The following CEP112 variants were observed in gnomAD, a reference collection of about 807,000 sequenced individuals.
The protein encoded by CEP112 is centrosomal protein of 112 kDa.
A neutral mutation model predicts 153.0 loss-of-function variants in CEP112; 127 were observed. The ratio of observed to expected loss-of-function variants is 0.83; its 90% CI spans 0.72 to 0.96. The LOEUF (loss-of-function observed/expected upper bound fraction) is 0.96, where lower values mean the gene tolerates loss of function less well. CEP112 is among the 40% of genes least tolerant of loss of function. The pLI is 0.00. For synonymous variants in CEP112, 358 were observed against 374.4 expected (o/e 0.96, Z 0.51); for missense variants, 1,089 against 1,101.2 (o/e 0.99, Z 0.16).
intron 17 of CEP112, among the ~76,000 whole-genome samples, chr17:66,004,612 C>G (rs1023391956): frequency 1.3e-5 from 2 of 151,994 alleles, no homozygotes; most frequent in Non-Finnish European, 2.9e-5. Flanking sequence ...CAAATAAGTC[C>G]CTCTGTAGAT....
chr17:66,105,176 C>T (rs777532064), intron 6 of CEP112, among the ~76,000 whole-genome samples: 7 of 152,084 alleles, frequency 4.6e-5, no homozygotes, highest in Admixed American at 1.3e-4. Flanking sequence ...TATTAGTTTT[C>T]TCTTTGCTTG....
chr17:65,770,312 T>C (rs1232037611), intron 21 of CEP112, among the ~76,000 whole-genome samples: 2 of 151,800 alleles, frequency 1.3e-5, no homozygotes, highest in Admixed American at 6.6e-5. Flanking sequence ...ATCTGAAAAG[T>C]CAGAGAACAA....
At chr17:65,921,436 A>G (rs1038937325) in intron 19 of CEP112, among the ~76,000 whole-genome samples, 4 of 138,712 alleles carry the variant, frequency 2.9e-5, no homozygotes, top group African/African-American at 1.3e-4. Context: ...TATTCTGCTG[A>G]AAAAAAAAAG....
intron 18 of CEP112, among the ~76,000 whole-genome samples, chr17:65,940,676 T>C (rs975208): frequency 0.41 from 62,918 of 151,892 alleles, 14,408 homozygotes; most frequent in East Asian, 0.87. Context: ...ACAGGTAGAA[T>C]CTAAAAAAGT....
chr17:65,950,699 C>CTATTATTATTATTATTATTAGTAG (rs57598697), intron 18 of CEP112, among the ~76,000 whole-genome samples: 158 of 147,180 alleles, frequency 1.1e-3, no homozygotes, highest in East Asian at 4.3e-3. Flanking sequence ...GGATACATTA[C>CTATTATTATTATTATTATTAGTAG]TAGTAGTAGT....
At chr17:65,807,560 G>A (rs980225724) in intron 21 of CEP112, among the ~76,000 whole-genome samples, 1 of 152,164 alleles carries the variant, frequency 6.6e-6, no homozygotes, top group Non-Finnish European at 1.5e-5. Flanking sequence ...GGGAAAAATG[G>A]TTTTATGGGC....
chr17:65,846,302 C>A (rs1467270741), intron 21 of CEP112, among the ~76,000 whole-genome samples: 2 of 152,042 alleles, frequency 1.3e-5, no homozygotes, highest in African/African-American at 4.8e-5. Context: ...AGTAAAAACT[C>A]AAATTTTAAA....
At chr17:65,698,285 T>C (rs1451398792) in intron 23 of CEP112, among the ~76,000 whole-genome samples, 2 of 152,214 alleles carry the variant, frequency 1.3e-5, no homozygotes, top group Non-Finnish European at 2.9e-5. Context: ...ATTAGGCTAC[T>C]GATTCAACAT....
chr17:65,948,172 T>C (rs1053365212), intron 18 of CEP112, among the ~76,000 whole-genome samples: 4 of 152,192 alleles, frequency 2.6e-5, no homozygotes, highest in African/African-American at 7.2e-5. Context: ...TCAATTGTGC[T>C]ACAAACCAGG....
chr17:66,150,130 G>A (rs1265465010), intron 4 of CEP112, among the ~76,000 whole-genome samples: 3 of 141,924 alleles, frequency 2.1e-5, no homozygotes, highest in Admixed American at 1.5e-4. Context: ...TCGATCTCTC[G>A]ACCTCATGAT....
chr17:65,669,869 C>T (rs1372149896), intron 24 of CEP112, among the ~76,000 whole-genome samples: 1 of 149,588 alleles, frequency 6.7e-6, no homozygotes, highest in African/African-American at 2.5e-5. Context: ...CGCCACTGCA[C>T]TCCAGCCTGG....
At chr17:65,739,975 T>C (rs928780566) in intron 23 of CEP112, among the ~76,000 whole-genome samples, 9 of 152,158 alleles carry the variant, frequency 5.9e-5, no homozygotes, top group Admixed American at 5.2e-4. Context: ...AGTGCTATTA[T>C]AGTTTAAATA....
intron 6 of CEP112, among the ~76,000 whole-genome samples, chr17:66,101,352 G>A (rs1010547207): frequency 6.6e-6 from 1 of 151,912 alleles, no homozygotes; most frequent in African/African-American, 2.4e-5. Flanking sequence ...TTTGAAACAT[G>A]CAAGAATTCA....
intron 17 of CEP112, among the ~76,000 whole-genome samples, chr17:65,970,759 G>A (rs1002211780): frequency 8.5e-4 from 42 of 49,392 alleles, no homozygotes; most frequent in African/African-American, 2.4e-3. Context: ...CACATTACAG[G>A]TATGTTACAT....
intron 24 of CEP112, chr17:65,661,674 CT>C (rs2046391619): frequency 6.6e-6 from 1 of 152,112 alleles, no homozygotes; most frequent in Non-Finnish European, 1.5e-5. Context: ...AATAATTATT[CT>C]TTTGAAGTTT....
chr17:65,988,778 A>G (rs1247425284), intron 17 of CEP112, among the ~76,000 whole-genome samples: 1 of 152,174 alleles, frequency 6.6e-6, no homozygotes, highest in African/African-American at 2.4e-5. Context: ...AAGATACAGA[A>G]AATTATCTTA....
intron 4 of CEP112, among the ~76,000 whole-genome samples, chr17:66,160,675 T>C (rs1041979535): frequency 2.0e-5 from 3 of 152,100 alleles, no homozygotes; most frequent in African/African-American, 7.2e-5. Context: ...TTACATCTTA[T>C]ACAAAAATTA....
intron 21 of CEP112, among the ~76,000 whole-genome samples, chr17:65,835,172 C>A (rs2057251543): frequency 7.1e-6 from 1 of 140,866 alleles, no homozygotes; most frequent in Admixed American, 7.5e-5. Flanking sequence ...TTCACATGTA[C>A]CCCCAAACCC....
intron 20 of CEP112, among the ~76,000 whole-genome samples, chr17:65,861,878 G>A (rs2058321479): frequency 6.6e-6 from 1 of 152,188 alleles, no homozygotes. Flanking sequence ...TATCTGTTGA[G>A]AATCTCTTAC....
Sources: allele counts gnomAD v4.1 joint callset (sites outside exome capture counted in the v4.1 genomes callset), GRCh38; gene constraint gnomAD v4.1.1; transcripts MANE v1.5; gene names NCBI Gene and HGNC (gene_info 2026-07-23, HGNC 2026-07-21).